The following CDKAL1 variants were observed in gnomAD, a reference collection of about 807,000 sequenced individuals.
The protein encoded by CDKAL1 is CDKAL1 threonylcarbamoyladenosine tRNA methylthiotransferase.
CDKAL1 carries 32 observed loss-of-function variants against 68.2 expected under a neutral mutation model. The observed-to-expected ratio is 0.47, with a 90% CI of 0.35 to 0.63. The LOEUF (loss-of-function observed/expected upper bound fraction) is 0.63. Ranked by LOEUF, CDKAL1 falls within the 30% of genes least tolerant of loss-of-function variation. The pLI, the probability that CDKAL1 is intolerant of heterozygous loss-of-function variation, is 0.00. For missense variants in CDKAL1, 606 were observed against 696.7 expected (o/e 0.87, Z 1.47); for synonymous variants, 234 against 244.3 (o/e 0.96, Z 0.39).
At chr6:20,640,905 A>C (rs1027019725) in intron 4 of CDKAL1, among the ~76,000 whole-genome samples, 2 of 152,218 alleles carry the variant, frequency 1.3e-5, no homozygotes, top group African/African-American at 4.8e-5. Context: ...TGAAAAAATG[A>C]ATGTGACAGG....
chr6:20,759,047 G>A (rs1774356499), intron 7 of CDKAL1, among the ~76,000 whole-genome samples: 1 of 152,126 alleles, frequency 6.6e-6, no homozygotes, highest in South Asian at 2.1e-4. Context: ...GTTGAAGCTG[G>A]AGGATCATTT....
At chr6:20,726,435 C>T (rs892831065) in intron 5 of CDKAL1, among the ~76,000 whole-genome samples, 1 of 152,246 alleles carries the variant, frequency 6.6e-6, no homozygotes, top group Non-Finnish European at 1.5e-5. Context: ...CAGATGTTCT[C>T]AGGACCTCTT....
intron 8 of CDKAL1, among the ~76,000 whole-genome samples, chr6:20,844,698 AGAAAC>A (rs1441932259): frequency 1.0e-5 from 1 of 95,782 alleles, no homozygotes; most frequent in Non-Finnish European, 2.7e-5. Context: ...AAAAAAAAAA[AGAAAC>A]AGAAAAACAA....
At chr6:20,548,148 C>T (rs758737979) in intron 3 of CDKAL1, among the ~76,000 whole-genome samples, 2 of 152,052 alleles carry the variant, frequency 1.3e-5, no homozygotes, top group Non-Finnish European at 2.9e-5. Flanking sequence ...TAAGTTGGTG[C>T]GTTTAATGAA....
At chr6:20,885,200 G>A (rs902796236) in intron 9 of CDKAL1, among the ~76,000 whole-genome samples, 1 of 151,994 alleles carries the variant, frequency 6.6e-6, no homozygotes, top group African/African-American at 2.4e-5. Context: ...CAGTTGCAAG[G>A]GCCCTGAGTA....
In CDKAL1 at chr6:20,908,607, G is replaced by A. The variant is rs151248841; in HGVS notation, c.743-46812G>A. 5.5e-3 allele frequency among the ~76,000 whole-genome samples: 841 copies of A among 152,148 alleles called. 7 individuals are homozygous for A. Among genetic ancestry groups the A allele is most frequent in the African/African-American group, 0.019 (772 of 41,500 alleles). ...TTATTTATAAAAATTAAAAAAATAC[G>A]TGGAAACAGTGAAGCATTTTATAAT... On this transcript the variant is annotated intron_variant, in intron 9 of 15. Coordinates refer to ENST00000274695, the MANE Select transcript of CDKAL1 (RefSeq NM_017774.3).
At chr6:20,717,119 A>G (rs367957642) in intron 5 of CDKAL1, among the ~76,000 whole-genome samples, 3 of 152,190 alleles carry the variant, frequency 2.0e-5, no homozygotes, top group East Asian at 3.9e-4. Context: ...AGGTGGACAC[A>G]CAAGACTGAT....
chr6:21,199,785 G>A (rs1375096142), intron 14 of CDKAL1, among the ~76,000 whole-genome samples: 1 of 152,188 alleles, frequency 6.6e-6, no homozygotes, highest in East Asian at 1.9e-4. Flanking sequence ...TGATTTAAAT[G>A]GGCTTTTTAT....
At chr6:21,198,593 C>A (rs1462921592) in intron 14 of CDKAL1, among the ~76,000 whole-genome samples, 2 of 152,086 alleles carry the variant, frequency 1.3e-5, no homozygotes, top group Non-Finnish European at 2.9e-5. Context: ...GTTTTTTTAA[C>A]TTCTACCTTA....
At chr6:20,875,679 G>GA (rs142990325) in intron 9 of CDKAL1, among the ~76,000 whole-genome samples, 15,435 of 151,406 alleles carry the variant, frequency 0.1, 886 homozygotes, top group African/African-American at 0.14. Flanking sequence ...CTTCACTAAT[G>GA]AAAAAAAATA....
chr6:20,784,019 C>A (rs1290089183), intron 8 of CDKAL1, among the ~76,000 whole-genome samples: 1 of 152,084 alleles, frequency 6.6e-6, no homozygotes, highest in Non-Finnish European at 1.5e-5. Context: ...TTGAGACCAT[C>A]CTGGCCAACA....
At chr6:20,876,059 T>C (rs1237910471) in intron 9 of CDKAL1, among the ~76,000 whole-genome samples, 1 of 152,252 alleles carries the variant, frequency 6.6e-6, no homozygotes, top group Non-Finnish European at 1.5e-5. Context: ...AACTGCAGAT[T>C]CAAAATTTCT....
At chr6:20,772,438 T>C (rs1349796369) in intron 7 of CDKAL1, among the ~76,000 whole-genome samples, 1 of 152,196 alleles carries the variant, frequency 6.6e-6, no homozygotes, top group Non-Finnish European at 1.5e-5. Flanking sequence ...CACATAAGTC[T>C]ACTCCCACTG....
intron 13 of CDKAL1, among the ~76,000 whole-genome samples, chr6:21,131,021 A>G (rs1050625344): frequency 3.9e-5 from 6 of 152,214 alleles, no homozygotes; most frequent in South Asian, 2.1e-4. Context: ...CCCAAAAGCT[A>G]CTTCCAGGGC....
chr6:20,672,295 T>TCTCTCTCCCTCTCCCTCTCCCTCTCC (rs1769878596), intron 5 of CDKAL1, among the ~76,000 whole-genome samples: 2 of 114,918 alleles, frequency 1.7e-5, no homozygotes, highest in African/African-American at 1.3e-4. Context: ...TCTCTCTCTC[T>TCTCTCTCCCTCTCCCTCTCCCTCTCC]CTCCCTCTCC....
chr6:20,693,245 C>G (rs1467761550), intron 5 of CDKAL1, among the ~76,000 whole-genome samples: 1 of 151,084 alleles, frequency 6.6e-6, no homozygotes, highest in Non-Finnish European at 1.5e-5. Flanking sequence ...AGGCCTCTCA[C>G]TTTTTTCTTC....
intron 5 of CDKAL1, among the ~76,000 whole-genome samples, chr6:20,699,658 A>T (rs1237924994): frequency 1.3e-5 from 2 of 152,084 alleles, no homozygotes; most frequent in African/African-American, 2.4e-5. Context: ...AGAAATATGC[A>T]CCTTCTGGAT....
chr6:20,726,092 G>A lies in CDKAL1; in HGVS notation c.372-13427G>A, dbSNP rs148143507. 1.3e-3 allele frequency among the ~76,000 whole-genome samples: 191 copies of A among 151,988 alleles called. 2 individuals are homozygous for A. The East Asian group carries it at 0.032, about 25-fold the overall frequency. ...TAGGGGGGAGTATTTGCATCTGAGA[G>A]TCTATCACCTTTTAAAGGTTTGGAT... On this transcript the variant is annotated intron_variant, in intron 5 of 15. Transcript: ENST00000274695.
At chr6:20,887,029 T>A (rs1386028838) in intron 9 of CDKAL1, among the ~76,000 whole-genome samples, 3 of 152,178 alleles carry the variant, frequency 2.0e-5, no homozygotes, top group Non-Finnish European at 4.4e-5. Context: ...TTTGAACAGA[T>A]ACTTCAAAAA....
Sources: allele counts gnomAD v4.1 joint callset (sites outside exome capture counted in the v4.1 genomes callset), GRCh38; gene constraint gnomAD v4.1.1; transcripts MANE v1.5; gene names NCBI Gene and HGNC (gene_info 2026-07-23, HGNC 2026-07-21).